The following POU6F2 variants were observed in gnomAD, a reference collection of about 807,000 sequenced individuals.
POU6F2 encodes POU class 6 homeobox 2, also known as POU domain, class 6, transcription factor 2.
POU6F2 carries 31 observed loss-of-function variants against 71.3 expected under a neutral mutation model. The ratio of observed to expected loss-of-function variants is 0.43; its 90% CI spans 0.33 to 0.59. The LOEUF (loss-of-function observed/expected upper bound fraction) is 0.59. Among genes scored for constraint, POU6F2 ranks in the 20% least tolerant of loss-of-function variants. POU6F2 has a pLI of 0.04. For synonymous variants in POU6F2, 347 were observed against 355.7 expected (o/e 0.98, Z 0.27); for missense variants, 783 against 856.8 (o/e 0.91, Z 1.07).
At chr7:39,212,880 T>C (rs1225613250) in intron 4 of POU6F2, among the ~76,000 whole-genome samples, 2 of 152,158 alleles carry the variant, frequency 1.3e-5, no homozygotes, top group Non-Finnish European at 2.9e-5. Flanking sequence ...CATGCAAATG[T>C]GTTGGATCCT....
chr7:39,142,967 G>A (rs574765135), intron 2 of POU6F2, among the ~76,000 whole-genome samples: 35 of 152,272 alleles, frequency 2.3e-4, no homozygotes, highest in Admixed American at 1.9e-3. Flanking sequence ...AGTTTTTTAT[G>A]AAATTGTTGT....
intron 5 of POU6F2, among the ~76,000 whole-genome samples, chr7:39,365,312 G>T (rs561829111): frequency 6.6e-6 from 1 of 152,266 alleles, no homozygotes; most frequent in South Asian, 2.1e-4. Context: ...TCAACAAATG[G>T]TGCTGGGATA....
At chr7:39,269,684 C>A (rs1355405774) in intron 4 of POU6F2, among the ~76,000 whole-genome samples, 2 of 152,190 alleles carry the variant, frequency 1.3e-5, no homozygotes, top group Non-Finnish European at 2.9e-5. Flanking sequence ...AGGTCCTCTG[C>A]AAGCACCCCC....
rs1790459852 is a variant in POU6F2 at position 39,054,245 on chromosome 7, T to G, written c.106-31615T>G. On this transcript the variant is annotated intron_variant, in intron 1 of 9. Transcript: ENST00000518318. ...ATATGATTAGACCAATAACACCTTT[T>G]GAGAATAATAATTATTATTATCCTA... Among the ~76,000 whole-genome samples the G allele has an allele frequency of 2.0e-5, 3 of 152,180 alleles. No homozygotes were observed. In the South Asian group the frequency reaches 6.2e-4, roughly 32 times the overall value.
Position 38,988,086 on chromosome 7 carries a change from G to C in POU6F2, c.105+10028G>C, listed in dbSNP as rs1452164053. Among the ~76,000 whole-genome samples the C allele has an allele frequency of 2.0e-5, 3 of 152,228 alleles. No homozygotes were observed. In the South Asian group the frequency reaches 6.2e-4, roughly 32 times the overall value. On this transcript the variant is annotated intron_variant, in intron 1 of 9. Transcript: ENST00000518318. ...TTCTTTGAACCCCACAGCTTTAGAA[G>C]TAAGTACAGATCATCATCCCCATTT...
At chr7:39,133,816 C>A (rs1042343649) in intron 2 of POU6F2, among the ~76,000 whole-genome samples, 2 of 152,188 alleles carry the variant, frequency 1.3e-5, no homozygotes, top group African/African-American at 4.8e-5. Flanking sequence ...TACATGGCAG[C>A]CCTGAGGGGC....
chr7:39,246,470 G>A (rs1246414670), intron 4 of POU6F2, among the ~76,000 whole-genome samples: 1 of 152,158 alleles, frequency 6.6e-6, no homozygotes, highest in Non-Finnish European at 1.5e-5. Flanking sequence ...GAACATTAGT[G>A]GAAGATGTGA....
chr7:39,086,681 A>G (rs1791252090), intron 2 of POU6F2, among the ~76,000 whole-genome samples: 1 of 152,190 alleles, frequency 6.6e-6, no homozygotes. Context: ...GAGGCAGCCC[A>G]AGACCTTTTA....
intron 2 of POU6F2, among the ~76,000 whole-genome samples, chr7:39,122,980 G>A (rs541567418): frequency 7.9e-5 from 12 of 152,214 alleles, no homozygotes; most frequent in East Asian, 7.7e-4. Flanking sequence ...ATGAGCCACC[G>A]CACCCGGTGA....
chr7:39,282,272 G>A (rs2128759997), intron 4 of POU6F2, among the ~76,000 whole-genome samples: 1 of 152,042 alleles, frequency 6.6e-6, no homozygotes, highest in South Asian at 2.1e-4. Flanking sequence ...TTCCTTTTCT[G>A]TGCAGAAGCT....
intron 1 of POU6F2, among the ~76,000 whole-genome samples, chr7:38,995,707 T>G (rs1788715821): frequency 6.6e-6 from 1 of 152,208 alleles, no homozygotes. Context: ...TTTTATACCT[T>G]GCACAACTTA....
intron 4 of POU6F2, among the ~76,000 whole-genome samples, chr7:39,296,710 A>G (rs1323501048): frequency 5.3e-5 from 8 of 152,162 alleles, no homozygotes; most frequent in Non-Finnish European, 7.3e-5. Flanking sequence ...GCCACCCCAG[A>G]GGGGAACAGA....
intron 2 of POU6F2, among the ~76,000 whole-genome samples, chr7:39,195,679 G>A (rs894638293): frequency 6.6e-6 from 1 of 152,012 alleles, no homozygotes; most frequent in Non-Finnish European, 1.5e-5. Flanking sequence ...TGAAAATCTC[G>A]TAAGAAGGTG....
intron 5 of POU6F2, among the ~76,000 whole-genome samples, chr7:39,375,895 C>T (rs1189726594): frequency 6.6e-6 from 1 of 152,102 alleles, no homozygotes; most frequent in Non-Finnish European, 1.5e-5. Context: ...TGCTCCCAAA[C>T]CCCATCCCTG....
In POU6F2 at chr7:39,339,765, C is replaced by CT; in HGVS notation, c.722_723insT (p.Ser242LeufsTer65). ...CACCCGCAACCAGCCCCACAGGCGC[C>CT]CTCGCAGTCCCAGCAGCAGCCGCTG... On this transcript the variant is annotated frameshift_variant, in exon 5 of 10. Transcript: ENST00000518318. LOFTEE classifies it high-confidence loss of function. 1.3e-6 allele frequency: 2 copies of CT among 1,587,750 alleles called. No homozygotes were observed. Among genetic ancestry groups the CT allele is most frequent in the Non-Finnish European group, 1.7e-6 (2 of 1,167,434 alleles).
At chr7:39,258,184 AACTC>A (rs1784062725) in intron 4 of POU6F2, among the ~76,000 whole-genome samples, 1 of 152,196 alleles carries the variant, frequency 6.6e-6, no homozygotes, top group African/African-American at 2.4e-5. Context: ...TTATGACTGT[AACTC>A]ACAACAGAAA....
intron 4 of POU6F2, among the ~76,000 whole-genome samples, chr7:39,294,399 A>G (rs549823030): frequency 1.3e-5 from 2 of 148,704 alleles, no homozygotes; most frequent in South Asian, 2.3e-4. Flanking sequence ...TTTTGCGCCA[A>G]CCTAATACTA....
chr7:38,999,520 C>T (rs1197333272), intron 1 of POU6F2, among the ~76,000 whole-genome samples: 1 of 152,110 alleles, frequency 6.6e-6, no homozygotes, highest in Non-Finnish European at 1.5e-5. Context: ...TCATAATATA[C>T]TATATGTGTA....
chr7:39,325,289 A>T (rs1785483586), intron 4 of POU6F2, among the ~76,000 whole-genome samples: 1 of 152,192 alleles, frequency 6.6e-6, no homozygotes, highest in Non-Finnish European at 1.5e-5. Context: ...TCCTAGAATC[A>T]TGTCTTAGAT....
Sources: gnomAD v4.1 joint callset for allele counts (sites outside exome capture counted in the v4.1 genomes callset) on GRCh38, gnomAD v4.1.1 for gene constraint, MANE v1.5 for transcripts, NCBI Gene and HGNC (gene_info 2026-07-23, HGNC 2026-07-21) for gene names.